The following ALDH3B1 variants were observed in gnomAD, a reference collection of about 807,000 sequenced individuals.
ALDH3B1 encodes aldehyde dehydrogenase family 3 member B1.
ALDH3B1 carries 37 observed loss-of-function variants against 46.2 expected under a neutral mutation model. The ratio of observed to expected loss-of-function variants is 0.80; its 90% CI spans 0.62 to 1.05. ALDH3B1 has a LOEUF of 1.05. ALDH3B1 is among the 50% of genes least tolerant of loss of function. The probability of loss-of-function intolerance (pLI) is 0.00; values close to 1 mark genes in which losing one functional copy is unlikely to be tolerated. For missense variants in ALDH3B1, 603 were observed against 665.5 expected (o/e 0.91, Z 1.03); for synonymous variants, 283 against 281.0 (o/e 1.01, Z -0.07).
At chr11:68,020,353 CT>C (rs1157970765) in intron 6 of ALDH3B1, among the ~76,000 whole-genome samples, 1 of 152,206 alleles carries the variant, frequency 6.6e-6, no homozygotes, top group African/African-American at 2.4e-5. Flanking sequence ...CATGCCTCAG[CT>C]TCCCAAGTAG....
chr11:68,022,101 C>T (rs1857515158), intron 7 of ALDH3B1, among the ~76,000 whole-genome samples: 1 of 152,232 alleles, frequency 6.6e-6, no homozygotes. Flanking sequence ...GCTCAGATCC[C>T]AGGGCTCCAG....
chr11:68,009,538 C>A (rs1857189687), upstream of ALDH3B1, among the ~76,000 whole-genome samples: 1 of 152,228 alleles, frequency 6.6e-6, no homozygotes, highest in African/African-American at 2.4e-5. Context: ...TAAAGGCTTA[C>A]AACTTTAAGG....
chr11:68,019,195 G>A lies in ALDH3B1; in HGVS notation c.420G>A (p.Ser140=), dbSNP rs535638253. ...GGAACTGTGTGGTGCTGAAGCCATCGGAGATTAGCAAGAACGTCGAGAAGA... is the reference window on the plus strand; with the variant it reads ...GGAACTGTGTGGTGCTGAAGCCATCAGAGATTAGCAAGAACGTCGAGAAGA... The part of the protein sequence containing the change: ...AAGNCVVLKP[S]EISKNVEKIL... The change falls in exon 5 of 10, where the codon TCG becomes TCA. Residue 140 remains serine, a synonymous_variant. Transcript: ENST00000342456. 124 of 1,613,430 alleles carry A rather than the reference G, an allele frequency of 7.7e-5. No homozygotes were observed. The East Asian group carries it at 2.3e-3, about 30-fold the overall frequency.
chr11:68,010,115 G>A (rs1003282466), upstream of ALDH3B1, among the ~76,000 whole-genome samples: 2 of 152,142 alleles, frequency 1.3e-5, no homozygotes, highest in Non-Finnish European at 2.9e-5. Flanking sequence ...CCCTCAGCTC[G>A]GAGCTCAGCC....
At chr11:68,027,231 T>C (rs1174369848) in intron 9 of ALDH3B1, among the ~76,000 whole-genome samples, 1 of 152,076 alleles carries the variant, frequency 6.6e-6, no homozygotes, top group Admixed American at 6.5e-5. Context: ...TGGAGCTCAC[T>C]CACTGCAGGA....
At chr11:68,013,684 C>A (rs541340717) in intron 1 of ALDH3B1, among the ~76,000 whole-genome samples, 3 of 152,178 alleles carry the variant, frequency 2.0e-5, no homozygotes, top group African/African-American at 7.2e-5. Flanking sequence ...ATGAGGAAAC[C>A]GAGGCAGAGA....
intron 1 of ALDH3B1, among the ~76,000 whole-genome samples, chr11:68,013,487 G>T (rs1427105268): frequency 1.3e-5 from 2 of 152,218 alleles, no homozygotes; most frequent in African/African-American, 4.8e-5. Context: ...GGTGAGAGTA[G>T]AATGGAGAAG....
In ALDH3B1 at chr11:68,022,591, G is replaced by A. The variant is rs755376181; in HGVS notation, c.950-4G>A. The stretch of plus-strand genomic sequence containing the variant: ...CAGGGCTGAGCTGTCTCTGGTGCCT[G>A]CAGCCCCCACGGTGCTGGTGGATGT... On this transcript the variant is annotated splice_polypyrimidine_tract_variant and splice_region_variant and intron_variant, in intron 7 of 9. Coordinates refer to ENST00000342456, the MANE Select transcript of ALDH3B1 (RefSeq NM_000694.4). 1 of 1,613,256 alleles carries A rather than the reference G, an allele frequency of 6.2e-7. No individual in the cohort carries two copies. The highest frequency in any genetic ancestry group is 1.7e-5 in the Admixed American group (1 of 60,006).
intron 2 of ALDH3B1, chr11:68,017,053 G>T (rs1052514178): frequency 1.3e-5 from 2 of 152,348 alleles, no homozygotes; most frequent in Non-Finnish European, 2.9e-5. Flanking sequence ...TGGTGAATCT[G>T]GTTGGGCAAC....
intron 1 of ALDH3B1, among the ~76,000 whole-genome samples, chr11:68,014,650 G>C (rs951541360): frequency 3.9e-5 from 6 of 152,320 alleles, no homozygotes; most frequent in Non-Finnish European, 8.8e-5. Context: ...GCCTCCAGGA[G>C]GCCCGAGGTG....
At chr11:68,011,627 T>C (rs534573586) in intron 1 of ALDH3B1, among the ~76,000 whole-genome samples, 1 of 152,302 alleles carries the variant, frequency 6.6e-6, no homozygotes, top group South Asian at 2.1e-4. Context: ...TCCCCTGAAG[T>C]TGGCCTAGTG....
In ALDH3B1 at chr11:68,021,658, G is replaced by A; in HGVS notation, c.736G>A (p.Ala246Thr). ...CTTCAACGCCGGCCAGACCTGCGTG[G>A]CCCCCGACTACGTCCTATGCAGCCC... ...RYFNAGQTCV[A>T]PDYVLCSPEM... The change falls in exon 7 of 10, where the codon GCC becomes ACC. Residue 246 changes from alanine (A) to threonine (T), a missense_variant. Transcript: ENST00000342456. 1 of 1,613,930 alleles carries A rather than the reference G, an allele frequency of 6.2e-7. No homozygotes were observed. The highest frequency in any genetic ancestry group is 8.5e-7 in the Non-Finnish European group (1 of 1,179,972).
In ALDH3B1 at chr11:68,022,577, T is replaced by C. The variant is rs767624071; in HGVS notation, c.950-18T>C. On this transcript the variant is annotated intron_variant, in intron 7 of 9. Coordinates refer to ENST00000342456, the MANE Select transcript of ALDH3B1 (RefSeq NM_000694.4). Reference sequence around the variant, plus strand: ...CCTGACTGTGGCCCCAGGGCTGAGCTGTCTCTGGTGCCTGCAGCCCCCACG... The same window carrying C: ...CCTGACTGTGGCCCCAGGGCTGAGCCGTCTCTGGTGCCTGCAGCCCCCACG... 32 of 1,612,354 alleles carry C rather than the reference T, an allele frequency of 2.0e-5. No homozygotes were observed. The highest frequency in any genetic ancestry group is 6.7e-5 in the African/African-American group (5 of 74,890).
upstream of ALDH3B1, among the ~76,000 whole-genome samples, chr11:68,009,593 C>T (rs1479110310): frequency 1.3e-5 from 2 of 152,248 alleles, no homozygotes; most frequent in South Asian, 2.1e-4. Context: ...GCTCGGGGAA[C>T]GTGACCGGGG....
At chr11:68,025,805 G>A (rs1268702733) in intron 8 of ALDH3B1, among the ~76,000 whole-genome samples, 2 of 152,148 alleles carry the variant, frequency 1.3e-5, no homozygotes, top group African/African-American at 2.4e-5. Flanking sequence ...CAGGAAACAT[G>A]TCCCAAGTTG....
intron 1 of ALDH3B1, among the ~76,000 whole-genome samples, chr11:68,014,123 A>C (rs991403916): frequency 1.3e-5 from 2 of 152,202 alleles, no homozygotes; most frequent in Non-Finnish European, 2.9e-5. Flanking sequence ...CCATCATTAC[A>C]CCGGTAACAT....
At chr11:68,020,897 A>T (rs185339895) in intron 6 of ALDH3B1, among the ~76,000 whole-genome samples, 105 of 152,312 alleles carry the variant, frequency 6.9e-4, no homozygotes, top group Non-Finnish European at 1.3e-3. Context: ...GGCTGTGTGC[A>T]TGCGGAGACT....
chr11:68,019,292 G>T (rs1411001501), intron 5 of ALDH3B1, 37 bp downstream of exon 5: 2 of 1,588,644 alleles, frequency 1.3e-6, no homozygotes, highest in Non-Finnish European at 8.6e-7. Flanking sequence ...GCGGGAACAG[G>T]CAAGGCTCAA....
intron 8 of ALDH3B1, chr11:68,024,270 C>T (rs957806138): frequency 2.3e-4 from 35 of 152,220 alleles, no homozygotes; most frequent in African/African-American, 8.0e-4. Flanking sequence ...GAGATGCACA[C>T]GTGGCTAGTG....
Sources: allele counts gnomAD v4.1 joint callset (sites outside exome capture counted in the v4.1 genomes callset), GRCh38; gene constraint gnomAD v4.1.1; transcripts MANE v1.5; gene names NCBI Gene and HGNC (gene_info 2026-07-23, HGNC 2026-07-21).